Variants in CSRP1 observed in about 807,000 individuals in gnomAD.
The protein encoded by CSRP1 is cysteine and glycine rich protein 1.
Under a neutral mutation model 25.4 loss-of-function variants are expected in CSRP1, and 16 were observed. That is an observed-to-expected ratio of 0.63 (90% confidence interval 0.43 to 0.96). The LOEUF is 0.96. Ranked by LOEUF, CSRP1 falls within the 40% of genes least tolerant of loss-of-function variation. The probability of loss-of-function intolerance (pLI) is 0.00; values close to 1 mark genes in which losing one functional copy is unlikely to be tolerated. For synonymous variants in CSRP1, 97 were observed against 95.3 expected, an observed-to-expected ratio of 1.02 and a Z score of -0.10; for missense variants, 212 against 243.6, an observed-to-expected ratio of 0.87 and a Z score of 0.86.
chr1:201,485,444 T>A, intron 4 of CSRP1, 68 bp from the exon 5 acceptor site: 6 of 1,397,232 alleles, frequency 4.3e-6, no homozygotes, highest in Non-Finnish European at 5.1e-6. Flanking sequence ...CCAGGCCCAC[T>A]CCCTTTGACA....
chr1:201,494,148 C>T (rs1214618152), intron 2 of CSRP1, among the ~76,000 whole-genome samples: 11 of 152,066 alleles, frequency 7.2e-5, no homozygotes, highest in African/African-American at 2.4e-4. Context: ...TCATCCGCAG[C>T]GCCCCTCACA....
chr1:201,497,145 G>A (rs762042560), intron 1 of CSRP1, among the ~76,000 whole-genome samples: 2 of 151,998 alleles, frequency 1.3e-5, no homozygotes, highest in Non-Finnish European at 2.9e-5. Context: ...GAGGTCAGGA[G>A]TTCCGGAGTT....
intron 4 of CSRP1, chr1:201,486,820 C>T (rs950435056): frequency 1.8e-6 from 2 of 1,083,686 alleles, no homozygotes; most frequent in Non-Finnish European, 2.3e-6. Context: ...TCTTATCCTA[C>T]TCCTTAGTAC....
At chr1:201,485,485 TG>T in intron 4 of CSRP1, 109 bp from the exon 5 acceptor site, 1 of 935,922 alleles carries the variant, frequency 1.1e-6, no homozygotes, top group East Asian at 2.5e-5. Flanking sequence ...AAGCCACTTC[TG>T]AAGTCTACTC....
At chr1:201,494,991 AAACTC>A (rs1664464950) in intron 2 of CSRP1, among the ~76,000 whole-genome samples, 1 of 152,266 alleles carries the variant, frequency 6.6e-6, no homozygotes. Context: ...AATAATGAGA[AAACTC>A]AACCAGAGAG....
At chr1:201,503,567 C>T (rs1186743230) in intron 1 of CSRP1, among the ~76,000 whole-genome samples, 2 of 152,106 alleles carry the variant, frequency 1.3e-5, no homozygotes, top group Admixed American at 6.6e-5. Flanking sequence ...AAGACTCAGA[C>T]GCTGCCTTCT....
chr1:201,486,607 C>T (rs1314055790), intron 4 of CSRP1: 1 of 997,490 alleles, frequency 1.0e-6, no homozygotes, highest in Non-Finnish European at 1.2e-6. Flanking sequence ...GCTGCTACCC[C>T]AAGCTCTCTA....
At chr1:201,487,671 G>T (rs12729389) in intron 4 of CSRP1, 70,589 of 152,050 alleles carry the variant, frequency 0.46, 19,094 homozygotes, top group Non-Finnish European at 0.63. Flanking sequence ...GTTTGAAGAG[G>T]CTAAATGGCC....
At chr1:201,484,855 C>T in intron 5 of CSRP1, 66 bp from the exon 6 acceptor site, 1 of 1,418,510 alleles carries the variant, frequency 7.0e-7, no homozygotes, top group Admixed American at 2.0e-5. Context: ...ACCCACCCTC[C>T]TGCTGAAGAT....
chr1:201,483,645 G>C lies in CSRP1; in HGVS notation c.*1068C>G, dbSNP rs547667023. ...TGTTGTCCTTTCAGTTGCTGGGAGCGGTGAGGCCCAGCCCTTTCCCCTTCC... is the reference window on the plus strand; with the variant it reads ...TGTTGTCCTTTCAGTTGCTGGGAGCCGTGAGGCCCAGCCCTTTCCCCTTCC... On this transcript the variant is annotated 3_prime_UTR_variant, in exon 6 of 6. Transcript: ENST00000340006. The C allele has an allele frequency of 4.4e-6, 1 of 225,304 alleles. No homozygotes were observed. Among genetic ancestry groups the C allele is most frequent in the East Asian group, 8.2e-5 (1 of 12,132 alleles). 14.0% of individuals were successfully genotyped at this position (225,304 alleles called of 1,614,324 possible).
intron 1 of CSRP1, among the ~76,000 whole-genome samples, chr1:201,499,744 T>G (rs1301317887): frequency 6.6e-6 from 1 of 152,112 alleles, no homozygotes; most frequent in Non-Finnish European, 1.5e-5. Context: ...GCCTCCTGAG[T>G]AGCTGGGATT....
rs779250039 is a variant in CSRP1 at position 201,484,769 on chromosome 1, C to T, written c.526G>A (p.Gly176Arg). The part of the protein sequence containing the change: ...YCKGCYAKNF[G>R]PKGFGFGQGA... ...TGCCCAAAACCAAAGCCCTTGGGCC[C>T]GAAGTTTTTAGCATAACATCCTGCA... is the stretch of plus-strand genomic sequence containing the variant. The change falls in exon 6 of 6, where the codon GGG becomes AGG. Residue 176 changes from glycine (G) to arginine (R), a missense_variant. Coordinates refer to ENST00000340006, the MANE Select transcript of CSRP1 (RefSeq NM_004078.3). The T allele has an allele frequency of 9.9e-6, 16 of 1,611,434 alleles. No individual in the cohort carries two copies. The highest frequency in any genetic ancestry group is 4.0e-5 in the African/African-American group (3 of 74,700).
Position 201,485,369 on chromosome 1 carries a change from T to C in CSRP1, c.419A>G (p.His140Arg). Reference protein sequence around the residue: ...EKVIGAGKSWHKACFRCAKCG... With the variant: ...EKVIGAGKSWRKACFRCAKCG... ...CTTGGCACATCGAAAGCAGGCCTTATGCCAGGACTAGGCAGGGAAGGAAAT... is the reference window on the plus strand; with the variant it reads ...CTTGGCACATCGAAAGCAGGCCTTACGCCAGGACTAGGCAGGGAAGGAAAT... The change falls in exon 5 of 6, where the codon CAT (histidine) becomes CGT (arginine). Residue 140 changes from histidine (H) to arginine (R), a missense_variant. His to Arg is a conservative substitution (Grantham distance 29, BLOSUM62 0). Coordinates refer to ENST00000340006, the MANE Select transcript of CSRP1 (RefSeq NM_004078.3). The C allele has an allele frequency of 1.9e-6, 3 of 1,614,168 alleles. No homozygotes were observed. The highest frequency in any genetic ancestry group is 2.5e-6 in the Non-Finnish European group (3 of 1,180,006).
intron 1 of CSRP1, among the ~76,000 whole-genome samples, chr1:201,506,096 C>T (rs1281103600): frequency 6.6e-6 from 1 of 152,170 alleles, no homozygotes; most frequent in African/African-American, 2.4e-5. Flanking sequence ...AGTGGCAAAT[C>T]CAAGAGTCAA....
At chr1:201,501,791 G>A (rs1020848020) in intron 1 of CSRP1, among the ~76,000 whole-genome samples, 1 of 151,978 alleles carries the variant, frequency 6.6e-6, no homozygotes, top group Non-Finnish European at 1.5e-5. Flanking sequence ...TCAGGAGTTC[G>A]AGACCGGCCT....
chr1:201,486,259 A>G, intron 4 of CSRP1: 1 of 792,150 alleles, frequency 1.3e-6, no homozygotes, highest in Non-Finnish European at 1.5e-6. Context: ...GTACACAGTG[A>G]TGGGACGTTG....
At chr1:201,486,931 C>G in intron 4 of CSRP1, 3 of 1,271,900 alleles carry the variant, frequency 2.4e-6, no homozygotes, top group Non-Finnish European at 3.1e-6. Context: ...AACAAAAAAC[C>G]CAACTTAATA....
At chr1:201,495,966 G>A (rs1006818331) in intron 2 of CSRP1, 5 of 449,702 alleles carry the variant, frequency 1.1e-5, no homozygotes, top group African/African-American at 7.9e-5. Context: ...GCCCCTGAAC[G>A]CCTGCCACCC....
Position 201,485,067 on chromosome 1 carries a change from A to G in CSRP1, c.505+216T>C, listed in dbSNP as rs144141570. 4.7e-3 allele frequency among the ~76,000 whole-genome samples: 720 copies of G among 152,166 alleles called. 4 individuals carry two copies. The highest frequency in any genetic ancestry group is 0.017 in the African/African-American group (687 of 41,486). ...ACTGGGAGTTAGGAAGCCAGGGTCT[A>G]GCCCTATGCCTGCCTCAATTTGCCA... On this transcript the variant is annotated intron_variant, in intron 5 of 5. Coordinates refer to ENST00000340006, the MANE Select transcript of CSRP1 (RefSeq NM_004078.3).
Sources: gnomAD v4.1 joint callset for allele counts (sites outside exome capture counted in the v4.1 genomes callset) on GRCh38, gnomAD v4.1.1 for gene constraint, MANE v1.5 for transcripts, NCBI Gene and HGNC (gene_info 2026-07-23, HGNC 2026-07-21) for gene names.